The following SPAG16 variants were observed in gnomAD, a reference collection of about 807,000 sequenced individuals.
The protein encoded by SPAG16 is sperm-associated antigen 16 protein.
Under a neutral mutation model 80.4 loss-of-function variants are expected in SPAG16, and 86 were observed. The observed-to-expected ratio is 1.07, with a 90% CI of 0.90 to 1.28. The LOEUF (loss-of-function observed/expected upper bound fraction) is 1.28, where lower values mean the gene tolerates loss of function less well. Ranked by LOEUF, SPAG16 falls within the 50% of genes most tolerant of loss-of-function variation. The pLI is 0.00. For synonymous variants in SPAG16, 294 were observed against 265.9 expected, an observed-to-expected ratio of 1.11 and a Z score of -1.03; for missense variants, 870 against 765.3, an observed-to-expected ratio of 1.14 and a Z score of -1.61.
At chr2:213,846,495 A>T (rs1243670954) in intron 10 of SPAG16, among the ~76,000 whole-genome samples, 25 of 152,034 alleles carry the variant, frequency 1.6e-4, no homozygotes, top group Admixed American at 1.5e-3. Flanking sequence ...GTGTGGTTCA[A>T]AACCAATAAA....
intron 9 of SPAG16, among the ~76,000 whole-genome samples, chr2:213,392,524 A>G (rs2067807344): frequency 6.6e-6 from 1 of 152,158 alleles, no homozygotes; most frequent in South Asian, 2.1e-4. Flanking sequence ...AACCATATGC[A>G]AATGGGAATT....
At chr2:214,015,103 A>G (rs1263279574) in intron 13 of SPAG16, among the ~76,000 whole-genome samples, 2 of 152,198 alleles carry the variant, frequency 1.3e-5, no homozygotes, top group Non-Finnish European at 2.9e-5. Flanking sequence ...CCATGTACCA[A>G]AAATGGCAGT....
At position 213,683,064 on chromosome 2, in the gene SPAG16, G is replaced by A. The variant is rs994288735; in HGVS notation, c.1071-179421G>A. On this transcript the variant is annotated intron_variant, in intron 10 of 15. Transcript: ENST00000331683. ...TATTGCGTCCTAATAATGAATTCAC[G>A]TTGATGATCTTTTCAGTGGTATTGC... Among the ~76,000 whole-genome samples the A allele has an allele frequency of 2.0e-5, 3 of 152,092 alleles. No individual in the cohort carries two copies. In the South Asian group the frequency reaches 6.2e-4, roughly 31 times the overall value.
At chr2:213,815,899 A>C (rs2072503378) in intron 10 of SPAG16, among the ~76,000 whole-genome samples, 1 of 152,108 alleles carries the variant, frequency 6.6e-6, no homozygotes, top group South Asian at 2.1e-4. Context: ...GCTATACCTT[A>C]TTTTCATCAA....
At chr2:213,960,374 A>C (rs894356675) in intron 12 of SPAG16, among the ~76,000 whole-genome samples, 1 of 151,890 alleles carries the variant, frequency 6.6e-6, no homozygotes, top group South Asian at 2.1e-4. Context: ...AGTCTTTTTT[A>C]GGGACAATTT....
chr2:214,387,909 A>AGAT (rs1357417143), intron 15 of SPAG16, among the ~76,000 whole-genome samples: 10 of 152,182 alleles, frequency 6.6e-5, no homozygotes, highest in African/African-American at 2.2e-4. Flanking sequence ...CTACAATTCA[A>AGAT]GATGAGATTT....
At chr2:213,463,881 G>A (rs974091149) in intron 9 of SPAG16, among the ~76,000 whole-genome samples, 2 of 152,190 alleles carry the variant, frequency 1.3e-5, no homozygotes, top group Non-Finnish European at 2.9e-5. Flanking sequence ...CACTCCCATA[G>A]CTCAGTGACC....
At chr2:214,038,013 T>G (rs2048803399) in intron 13 of SPAG16, among the ~76,000 whole-genome samples, 3 of 152,034 alleles carry the variant, frequency 2.0e-5, no homozygotes, top group Middle Eastern at 3.2e-3. Flanking sequence ...GAAAATAATT[T>G]CCTTCTAATG....
chr2:214,314,121 C>T (rs1695518063), intron 15 of SPAG16, among the ~76,000 whole-genome samples: 1 of 152,060 alleles, frequency 6.6e-6, no homozygotes, highest in South Asian at 2.1e-4. Flanking sequence ...ACTAGATGAA[C>T]TGAAAATCAG....
intron 15 of SPAG16, among the ~76,000 whole-genome samples, chr2:214,409,433 A>G (rs943614417): frequency 2.6e-5 from 4 of 152,034 alleles, no homozygotes; most frequent in African/African-American, 9.7e-5. Context: ...TGGATCCCTG[A>G]TTTGTTTTCA....
intron 10 of SPAG16, among the ~76,000 whole-genome samples, chr2:213,529,881 T>C (rs2076012436): frequency 6.6e-6 from 1 of 152,244 alleles, no homozygotes; most frequent in South Asian, 2.1e-4. Flanking sequence ...AAATGCTTTA[T>C]AATTTTTAGT....
intron 10 of SPAG16, among the ~76,000 whole-genome samples, chr2:213,621,911 A>C (rs1372866520): frequency 1.3e-5 from 2 of 152,122 alleles, no homozygotes; most frequent in Non-Finnish European, 2.9e-5. Context: ...CCAGGACTAC[A>C]TTTTTTAGCA....
At chr2:213,521,551 TC>T (rs1453450246) in intron 10 of SPAG16, among the ~76,000 whole-genome samples, 2 of 152,200 alleles carry the variant, frequency 1.3e-5, no homozygotes. Flanking sequence ...TTGTGTCCAA[TC>T]CATGTTTGTA....
intron 9 of SPAG16, among the ~76,000 whole-genome samples, chr2:213,458,427 C>T (rs2072161328): frequency 1.3e-5 from 2 of 151,918 alleles, no homozygotes; most frequent in African/African-American, 4.8e-5. Context: ...AAAAAAGTAG[C>T]TGGGCGTGGT....
chr2:213,671,191 T>C (rs1365018867), intron 10 of SPAG16, among the ~76,000 whole-genome samples: 1 of 152,314 alleles, frequency 6.6e-6, no homozygotes, highest in East Asian at 1.9e-4. Flanking sequence ...AAGCTTTGAC[T>C]GATATTGTTT....
intron 15 of SPAG16, among the ~76,000 whole-genome samples, chr2:214,408,496 A>G (rs1702119803): frequency 6.6e-6 from 1 of 152,192 alleles, no homozygotes; most frequent in Non-Finnish European, 1.5e-5. Context: ...TTTGTTCTAG[A>G]TGAAGAAGCC....
Position 213,999,244 on chromosome 2 carries a change from T to A in SPAG16, c.1401-14707T>A, listed in dbSNP as rs530161835. 7.2e-5 allele frequency among the ~76,000 whole-genome samples: 11 copies of A among 152,244 alleles called. No homozygotes were observed. In the East Asian group the frequency reaches 1.9e-3, roughly 27 times the overall value. On this transcript the variant is annotated intron_variant, in intron 12 of 15. Transcript: ENST00000331683. ...ATGTGCCTGGCCCAGGATCCCCATG[T>A]TGTATGCAGCCTAAGGACTTTTTGC...
intron 12 of SPAG16, among the ~76,000 whole-genome samples, chr2:214,013,208 TAATC>T (rs1011822469): frequency 2.0e-5 from 3 of 151,458 alleles, no homozygotes; most frequent in African/African-American, 7.3e-5. Flanking sequence ...TTTAAGTAAT[TAATC>T]GGTGCATTAA....
chr2:213,383,333 A>G lies in SPAG16; in HGVS notation c.942+8214A>G, dbSNP rs570637158. 4.6e-5 allele frequency among the ~76,000 whole-genome samples: 7 copies of G among 152,250 alleles called. 1 individual carries two copies. The highest frequency in any genetic ancestry group is 1.9e-4 in the East Asian group (1 of 5,186). On this transcript the variant is annotated intron_variant, in intron 9 of 15. Transcript: ENST00000331683. ...ATGCTAAGATTGCAGAGTATTTAGT[A>G]TCTTGCTGACCCCTCTTGACTTATC... is the stretch of plus-strand genomic sequence containing the variant.
Sources: gnomAD v4.1 joint callset for allele counts (sites outside exome capture counted in the v4.1 genomes callset) on GRCh38, gnomAD v4.1.1 for gene constraint, MANE v1.5 for transcripts, NCBI Gene and HGNC (gene_info 2026-07-23, HGNC 2026-07-21) for gene names.